GTF3C1: variants seen among roughly 807,000 people sequenced by gnomAD.
The protein encoded by GTF3C1 is general transcription factor IIIC subunit 1, also known as general transcription factor 3C polypeptide 1.
Under a neutral mutation model 226.7 loss-of-function variants are expected in GTF3C1, and 57 were observed. The observed-to-expected ratio is 0.25, with a 90% CI of 0.20 to 0.31. GTF3C1 has a LOEUF of 0.31. Among genes scored for constraint, GTF3C1 ranks in the 10% least tolerant of loss-of-function variants. GTF3C1 has a pLI of 1.00. For synonymous variants in GTF3C1, 1,090 were observed against 1,084.8 expected, an observed-to-expected ratio of 1.00 and a Z score of -0.09; for missense variants, 2,217 against 2,776.1, an observed-to-expected ratio of 0.80 and a Z score of 4.53.
At position 27,495,311 on chromosome 16, in the gene GTF3C1, G is replaced by A; in HGVS notation, c.2532C>T (p.Ser844=). 6.2e-7 allele frequency: 1 copy of A among 1,613,616 alleles called. No individual in the cohort carries two copies. Among genetic ancestry groups the A allele is most frequent in the South Asian group, 1.1e-5 (1 of 91,080 alleles). Residue 844 remains serine, a synonymous_variant, in exon 15 of 37, where the codon TCC becomes TCT. Transcript: ENST00000356183. ...QESGRAGVRP[S]SSGSAWEACS... is the part of the protein sequence containing the mutation. ...AGGCCTCCCAGGCACTTCCAGAGGA[G>A]GACGGCCGGACGCCTGCCCTGCCTG... is the stretch of plus-strand genomic sequence containing the variant.
chr16:27,522,633 TGGA>T (rs2088766690), intron 6 of GTF3C1, among the ~76,000 whole-genome samples: 1 of 152,214 alleles, frequency 6.6e-6, no homozygotes, highest in South Asian at 2.1e-4. Context: ...TTAATTTCTG[TGGA>T]GGAGTCAGTC....
rs375829130 is a variant in GTF3C1, at chr16:27,464,166, C to A, written c.5872+154G>T. On this transcript the variant is annotated intron_variant, in intron 34 of 36. Transcript: ENST00000356183. Reference sequence around the variant, plus strand: ...ATGCATTTACAGGCAGTATCCTCCCCCTCAGGGCTCAGGCTCTGAGAAGCT... The same window carrying A: ...ATGCATTTACAGGCAGTATCCTCCCACTCAGGGCTCAGGCTCTGAGAAGCT... 14 of 481,362 alleles carry A rather than the reference C, an allele frequency of 2.9e-5. No individual in the cohort carries two copies. The South Asian group carries it at 4.0e-4, about 14-fold the overall frequency. 29.8% of individuals were successfully genotyped at this position (481,362 alleles called of 1,614,324 possible). A position where few individuals can be genotyped will look rare whatever the true frequency, so the allele number is the denominator to read the frequency against.
intron 6 of GTF3C1, among the ~76,000 whole-genome samples, chr16:27,526,573 T>G (rs1244449199): frequency 2.0e-5 from 3 of 152,214 alleles, no homozygotes; most frequent in Non-Finnish European, 4.4e-5. Flanking sequence ...TCCCCAAGTT[T>G]TAGTTGATTT....
intron 5 of GTF3C1, among the ~76,000 whole-genome samples, chr16:27,532,897 G>A (rs1450211064): frequency 6.6e-6 from 1 of 152,184 alleles, no homozygotes; most frequent in Non-Finnish European, 1.5e-5. Context: ...ACTTTGGGAA[G>A]CTGAGACAGA....
rs2087853243 is a variant in GTF3C1, at chr16:27,470,590, G to A, written c.4527-195C>T. On this transcript the variant is annotated intron_variant, in intron 30 of 36. Transcript: ENST00000356183. The surrounding 1 kb of genome is among the most constrained non-coding windows in gnomAD (Gnocchi z 4.9). ...AGCGGTGTTTGTGTCTCTCTTCCCC[G>A]CTTGCCTGAGTACCTTCCGGGCAGA... The A allele has an allele frequency of 1.0e-5, 6 of 583,086 alleles. No individual in the cohort carries two copies. The highest frequency in any genetic ancestry group is 4.1e-5 in the South Asian group (2 of 49,228). 36.1% of individuals were successfully genotyped at this position (583,086 alleles called of 1,614,324 possible). A position where few individuals can be genotyped will look rare whatever the true frequency, so the allele number is the denominator to read the frequency against.
intron 6 of GTF3C1, among the ~76,000 whole-genome samples, chr16:27,517,862 G>A (rs930655779): frequency 3.9e-5 from 6 of 152,158 alleles, no homozygotes; most frequent in Non-Finnish European, 7.3e-5. Context: ...TGATCTAACC[G>A]ATGCCTTCCA....
Position 27,505,925 on chromosome 16 carries a change from C to T in GTF3C1, c.1744G>A (p.Glu582Lys), listed in dbSNP as rs777212155. ...DSNSGDIAVI[E>K]EVRMENPKES... Reference sequence around the variant, plus strand: ...TTTGGGTTTTCCATCCGGACCTCCTCGATCACAGCTATGTCACCACTGTTG... The same window carrying T: ...TTTGGGTTTTCCATCCGGACCTCCTTGATCACAGCTATGTCACCACTGTTG... The change falls in exon 10 of 37, where the codon GAG becomes AAG. Residue 582 changes from glutamate (E) to lysine (K), a missense_variant. Transcript: ENST00000356183. The T allele has an allele frequency of 5.0e-6, 8 of 1,611,268 alleles. No individual in the cohort carries two copies. Among genetic ancestry groups the T allele is most frequent in the East Asian group, 2.2e-5 (1 of 44,894 alleles).
At position 27,464,847 on chromosome 16, in the gene GTF3C1, A is replaced by C; in HGVS notation, c.5356-11T>G. ...CTGCTCCAGGAGGGCCTGGGGAGGC[A>C]GGAGACACGCGGGGTCTGTGGGGAG... On this transcript the variant is annotated splice_polypyrimidine_tract_variant and intron_variant, in intron 33 of 36. Coordinates refer to ENST00000356183, the MANE Select transcript of GTF3C1 (RefSeq NM_001520.4). The C allele has an allele frequency of 6.7e-7, 1 of 1,500,700 alleles. No individual in the cohort carries two copies. Among genetic ancestry groups the C allele is most frequent in the Non-Finnish European group, 8.8e-7 (1 of 1,133,806 alleles). The allele number at this position is 1,500,700 out of a possible 1,614,324, so 93.0% of individuals were successfully genotyped here.
intron 27 of GTF3C1, among the ~76,000 whole-genome samples, chr16:27,479,294 G>A (rs570478912): frequency 6.6e-6 from 1 of 150,642 alleles, no homozygotes; most frequent in Non-Finnish European, 1.5e-5. Flanking sequence ...CATATTAGGT[G>A]TTGGAATTAC....
chr16:27,486,177 G>A (rs757250363), intron 23 of GTF3C1, 23 bp from the exon 24 acceptor site: 14 of 1,511,126 alleles, frequency 9.3e-6, no homozygotes, highest in African/African-American at 1.4e-5. Flanking sequence ...GAGGGAGAAG[G>A]CAGGAGACCT....
rs539127642 is a variant in GTF3C1 at position 27,504,370 on chromosome 16, C to T, written c.1771-1375G>A. On this transcript the variant is annotated intron_variant, in intron 10 of 36. Transcript: ENST00000356183. ...TGCTGGGCTCCACTGCTGGAAGGCC[C>T]GGCCTCTCTGGTTAGAAACAATGCC... Among the ~76,000 whole-genome samples the T allele has an allele frequency of 2.6e-3, 392 of 152,278 alleles. 1 individual carries two copies. The highest frequency in any genetic ancestry group is 8.8e-3 in the African/African-American group (366 of 41,544).
chr16:27,525,482 T>C (rs2088818778), intron 6 of GTF3C1, among the ~76,000 whole-genome samples: 1 of 152,256 alleles, frequency 6.6e-6, no homozygotes, highest in Non-Finnish European at 1.5e-5. Context: ...TTTGTTTATA[T>C]ACCTGTGGTA....
chr16:27,462,707 T>C lies in GTF3C1; in HGVS notation c.5925-221A>G, dbSNP rs1014619071. 15 of 540,766 alleles carry C rather than the reference T, an allele frequency of 2.8e-5. No individual in the cohort carries two copies. The highest frequency in any genetic ancestry group is 4.7e-5 in the Non-Finnish European group (14 of 300,264). The allele number at this position is 540,766 out of a possible 1,614,324, so 33.5% of individuals were successfully genotyped here. A position where few individuals can be genotyped will look rare whatever the true frequency, so the allele number is the denominator to read the frequency against. On this transcript the variant is annotated intron_variant, in intron 35 of 36. Coordinates refer to ENST00000356183, the MANE Select transcript of GTF3C1 (RefSeq NM_001520.4). The surrounding 1 kb of genome is among the most constrained non-coding windows in gnomAD (Gnocchi z 4.5). Reference sequence around the variant, plus strand: ...TGGAACCAGGACGTGGTGTCCGCTCTGATGTAGCTGTAACTGAGGCCTCAG... The same window carrying C: ...TGGAACCAGGACGTGGTGTCCGCTCCGATGTAGCTGTAACTGAGGCCTCAG...
intron 29 of GTF3C1, among the ~76,000 whole-genome samples, chr16:27,474,293 C>T (rs562574335): frequency 3.7e-4 from 56 of 152,288 alleles, no homozygotes; most frequent in African/African-American, 1.3e-3. Context: ...ACTAGGCCTT[C>T]GGTACCACAC....
chr16:27,507,276 C>T lies in GTF3C1; in HGVS notation c.1243-120G>A, dbSNP rs984986973. 4.1e-5 allele frequency: 31 copies of T among 754,682 alleles called. No homozygotes were observed. The highest frequency in any genetic ancestry group is 1.3e-4 in the Admixed American group (5 of 38,160). The allele number at this position is 754,682 out of a possible 1,614,324, so 46.7% of individuals were successfully genotyped here. A position where few individuals can be genotyped will look rare whatever the true frequency, so the allele number is the denominator to read the frequency against. On this transcript the variant is annotated intron_variant, in intron 8 of 36. Transcript: ENST00000356183. The surrounding 1 kb of genome is among the most constrained non-coding windows in gnomAD (Gnocchi z 4.9). Reference sequence around the variant, plus strand: ...TCTTCTGTTTCTCCTGTCTTACTGCCTGGGCCCTGGGTTGGGCACCACTGA... The same window carrying T: ...TCTTCTGTTTCTCCTGTCTTACTGCTTGGGCCCTGGGTTGGGCACCACTGA...
chr16:27,531,169 C>T (rs149672559), intron 5 of GTF3C1, among the ~76,000 whole-genome samples: 23 of 152,230 alleles, frequency 1.5e-4, no homozygotes, highest in Non-Finnish European at 1.3e-4. Context: ...ACACGGCCAG[C>T]AGCAGTGCAT....
In GTF3C1 at chr16:27,507,291, G is replaced by C; in HGVS notation, c.1243-135C>G. The C allele has an allele frequency of 1.5e-6, 1 of 656,984 alleles. No homozygotes were observed. Among genetic ancestry groups the C allele is most frequent in the Non-Finnish European group, 2.6e-6 (1 of 385,166 alleles). The allele number at this position is 656,984 out of a possible 1,614,324, so 40.7% of individuals were successfully genotyped here. A position where few individuals can be genotyped will look rare whatever the true frequency, so the allele number is the denominator to read the frequency against. ...GTCTTACTGCCTGGGCCCTGGGTTG[G>C]GCACCACTGATGCTCCCTCCAGGCT... On this transcript the variant is annotated intron_variant, in intron 8 of 36. Coordinates refer to ENST00000356183, the MANE Select transcript of GTF3C1 (RefSeq NM_001520.4). This position sits in a 1 kb window ranked among gnomAD's most constrained non-coding sequence, Gnocchi z 4.9.
chr16:27,544,876 G>A (rs2089140046), intron 2 of GTF3C1, among the ~76,000 whole-genome samples: 1 of 152,156 alleles, frequency 6.6e-6, no homozygotes, highest in Non-Finnish European at 1.5e-5. Context: ...GCGTAGTGCA[G>A]GGCTAGTGAA....
chr16:27,518,359 C>A (rs1487945888), intron 6 of GTF3C1, among the ~76,000 whole-genome samples: 1 of 152,218 alleles, frequency 6.6e-6, no homozygotes, highest in Non-Finnish European at 1.5e-5. Flanking sequence ...CCTCCAGCAG[C>A]CTTTGCTGGT....
Sources: allele counts gnomAD v4.1 joint callset (sites outside exome capture counted in the v4.1 genomes callset), GRCh38; gene constraint gnomAD v4.1.1; non-coding constraint Gnocchi (gnomAD v3.1); transcripts MANE v1.5; gene names NCBI Gene and HGNC (gene_info 2026-07-23, HGNC 2026-07-21).